TBC1D1: variants seen among roughly 807,000 people sequenced by gnomAD.
The protein encoded by TBC1D1 is TBC1 domain family member 1, also known as TBC1 (tre-2/USP6, BUB2, cdc16) domain family, member 1.
TBC1D1 carries 89 observed loss-of-function variants against 125.6 expected under a neutral mutation model. That is an observed-to-expected ratio of 0.71 (90% CI 0.60 to 0.85). TBC1D1 has a LOEUF of 0.85. TBC1D1 is among the 40% of genes least tolerant of loss of function. TBC1D1 has a pLI of 0.00. For missense variants in TBC1D1, 1,377 were observed against 1,469.2 expected (o/e 0.94, Z 1.03); for synonymous variants, 565 against 564.1 (o/e 1.00, Z -0.02).
intron 12 of TBC1D1, among the ~76,000 whole-genome samples, chr4:38,071,425 A>G (rs1754685344): frequency 6.6e-6 from 1 of 152,216 alleles, no homozygotes. Flanking sequence ...TCATTTTTAT[A>G]TCTCTTTTTC....
At position 38,054,227 on chromosome 4, in the gene TBC1D1, G is replaced by T; in HGVS notation, c.1939G>T (p.Gly647Cys). The change falls in exon 12 of 20, where the codon GGT (glycine) becomes TGT (cysteine). Residue 647 changes from glycine (G) to cysteine (C), a missense_variant. Transcript: ENST00000261439. The stretch of plus-strand genomic sequence containing the variant: ...CTTTGAATCCAAAGCAAACCATCTT[G>T]GTGATTCTGGTGGGACTCCTGTGAA... 5.0e-6 allele frequency: 8 copies of T among 1,614,168 alleles called. No individual in the cohort carries two copies. Among genetic ancestry groups the T allele is most frequent in the Non-Finnish European group, 6.8e-6 (8 of 1,180,016 alleles).
In TBC1D1 at chr4:38,035,587, G is replaced by C. The variant is rs954434075; in HGVS notation, c.1303-1G>C. On this transcript the variant is annotated splice_acceptor_variant, in intron 7 of 19. Coordinates refer to ENST00000261439, the MANE Select transcript of TBC1D1 (RefSeq NM_015173.4). LOFTEE classifies it high-confidence loss of function. ...TCCTGTTTCTGATTTTTGTTTTAAA[G>C]AAATTGAGACCGAGAAATGAGCAGC... 6.2e-7 allele frequency: 1 copy of C among 1,610,484 alleles called. No individual in the cohort carries two copies. The highest frequency in any genetic ancestry group is 1.7e-5 in the Admixed American group (1 of 59,338).
At chr4:38,120,435 A>C (rs958811073) in intron 17 of TBC1D1, among the ~76,000 whole-genome samples, 3 of 152,218 alleles carry the variant, frequency 2.0e-5, no homozygotes, top group Admixed American at 6.5e-5. Flanking sequence ...ATGGTGATGG[A>C]GATAGCTTAG....
chr4:38,050,639 AATC>A (rs1466720690), intron 11 of TBC1D1, among the ~76,000 whole-genome samples: 7 of 152,232 alleles, frequency 4.6e-5, no homozygotes, highest in African/African-American at 1.7e-4. Context: ...CAATTTTAAA[AATC>A]TCTCACCTAA....
chr4:38,070,062 A>G (rs1021954245), intron 12 of TBC1D1, among the ~76,000 whole-genome samples: 2 of 152,174 alleles, frequency 1.3e-5, no homozygotes, highest in African/African-American at 4.8e-5. Context: ...TCCAGCCACC[A>G]TAAGTTGGTG....
At chr4:37,976,196 CCT>C (rs1341146855) in intron 2 of TBC1D1, among the ~76,000 whole-genome samples, 4 of 152,160 alleles carry the variant, frequency 2.6e-5, no homozygotes, top group African/African-American at 7.2e-5. Flanking sequence ...AAACAGAGGC[CCT>C]GAGTCCAGCA....
intron 11 of TBC1D1, among the ~76,000 whole-genome samples, chr4:38,050,309 A>T (rs9999701): frequency 6.6e-6 from 1 of 152,140 alleles, no homozygotes; most frequent in Non-Finnish European, 1.5e-5. Flanking sequence ...CTGGCCTCAT[A>T]GGGTGACAGG....
chr4:38,005,345 T>A lies in TBC1D1; in HGVS notation c.418-9164T>A, dbSNP rs4144799. Among the ~76,000 whole-genome samples the A allele has an allele frequency of 4.7e-4, 71 of 152,172 alleles. 1 individual carries two copies. In the East Asian group the frequency reaches 0.011, roughly 23 times the overall value. On this transcript the variant is annotated intron_variant, in intron 2 of 19. Transcript: ENST00000261439. The stretch of plus-strand genomic sequence containing the variant: ...TGTGGTTTAAATACACAGAGTGAGA[T>A]CGTAAGGTGCTGGCTGTCTGGGGCT...
chr4:37,971,522 A>T (rs543973581), intron 2 of TBC1D1, among the ~76,000 whole-genome samples: 1 of 152,146 alleles, frequency 6.6e-6, no homozygotes, highest in African/African-American at 2.4e-5. Flanking sequence ...TGATTCAGTT[A>T]TCTCCCACTG....
At chr4:38,018,643 T>A (rs1037405051) in intron 4 of TBC1D1, among the ~76,000 whole-genome samples, 200 bp downstream of exon 4, 24 of 152,176 alleles carry the variant, frequency 1.6e-4, no homozygotes, top group African/African-American at 5.5e-4. Context: ...AGAAATTTGC[T>A]CTTAGCAACA....
At chr4:37,897,994 A>T (rs1715012787) in intron 1 of TBC1D1, among the ~76,000 whole-genome samples, 1 of 152,234 alleles carries the variant, frequency 6.6e-6, no homozygotes, top group Admixed American at 6.5e-5. Flanking sequence ...TAAATAAAGT[A>T]TTGCTTTATT....
Position 38,137,615 on chromosome 4 carries a change from GTTTTC to G in TBC1D1, c.*283_*287del. 1 of 360,468 alleles carries G rather than the reference GTTTTC, an allele frequency of 2.8e-6. No homozygotes were observed. Among genetic ancestry groups the G allele is most frequent in the Admixed American group, 4.7e-5 (1 of 21,408 alleles). The allele number at this position is 360,468 out of a possible 1,614,324, so 22.3% of individuals were successfully genotyped here. A position where few individuals can be genotyped will look rare whatever the true frequency, so the allele number is the denominator to read the frequency against. On this transcript the variant is annotated 3_prime_UTR_variant, in exon 20 of 20. Coordinates refer to ENST00000261439, the MANE Select transcript of TBC1D1 (RefSeq NM_015173.4). ...GTGGACGTGAATAAATGCAACTTATGTTTTCTTGTTGGTTCCTTTTTGAGTGTCAC... is the reference window on the plus strand; with the variant it reads ...GTGGACGTGAATAAATGCAACTTATGTTGTTGGTTCCTTTTTGAGTGTCAC...
At position 38,022,969 on chromosome 4, in the gene TBC1D1, C is replaced by T. The variant is rs958947686; in HGVS notation, c.1210+1251C>T. Reference sequence around the variant, plus strand: ...GTTTATTATACACCTGTAATTCCAGCGCTTGGGGAGGCTGAGGTGGGCAGA... The same window carrying T: ...GTTTATTATACACCTGTAATTCCAGTGCTTGGGGAGGCTGAGGTGGGCAGA... On this transcript the variant is annotated intron_variant, in intron 6 of 19. Transcript: ENST00000261439. Among the ~76,000 whole-genome samples, 6 of 152,248 alleles carry T rather than the reference C, an allele frequency of 3.9e-5. No homozygotes were observed. The South Asian group carries it at 6.2e-4, about 16-fold the overall frequency.
At chr4:38,133,348 T>C (rs1405579227) in intron 19 of TBC1D1, 91 bp downstream of exon 21, 56 of 1,230,636 alleles carry the variant, frequency 4.6e-5, no homozygotes, top group Non-Finnish European at 6.1e-5. Flanking sequence ...GGCTTTCCCA[T>C]GACCAGAGGA....
chr4:38,080,422 A>G (rs1447733845), intron 12 of TBC1D1, among the ~76,000 whole-genome samples: 1 of 152,152 alleles, frequency 6.6e-6, no homozygotes, highest in Non-Finnish European at 1.5e-5. Context: ...TGTGGTCAGG[A>G]TGGTGGCCTT....
At chr4:38,089,305 G>A (rs553125946) in intron 12 of TBC1D1, among the ~76,000 whole-genome samples, 6 of 152,334 alleles carry the variant, frequency 3.9e-5, no homozygotes, top group South Asian at 2.1e-4. Flanking sequence ...TGCCCAGCAC[G>A]TGGTAGAAGG....
At chr4:38,116,331 TTC>T (rs1762981382) in intron 16 of TBC1D1, among the ~76,000 whole-genome samples, 1 of 152,146 alleles carries the variant, frequency 6.6e-6, no homozygotes, top group African/African-American at 2.4e-5. Flanking sequence ...GCATCTGCTC[TTC>T]CTCTGCCTCA....
intron 2 of TBC1D1, among the ~76,000 whole-genome samples, chr4:38,001,290 T>C (rs1739033944): frequency 6.6e-6 from 1 of 152,016 alleles, no homozygotes; most frequent in Non-Finnish European, 1.5e-5. Context: ...TAAGGCAAGG[T>C]ATGGAAGGGG....
In TBC1D1 at chr4:38,061,432, C is replaced by T. The variant is rs534727223; in HGVS notation, c.2050+7094C>T. On this transcript the variant is annotated intron_variant, in intron 12 of 19. Transcript: ENST00000261439. ...TTTAAGGCAACTCCCAACTTTGAAA[C>T]GGGGAAAAATCATTTTATTTACCTC... 2.4e-4 allele frequency among the ~76,000 whole-genome samples: 36 copies of T among 152,182 alleles called. No individual in the cohort carries two copies. In the South Asian group the frequency reaches 3.3e-3, roughly 14 times the overall value.
Sources: gnomAD v4.1 joint callset for allele counts (sites outside exome capture counted in the v4.1 genomes callset) on GRCh38, gnomAD v4.1.1 for gene constraint, MANE v1.5 for transcripts, NCBI Gene and HGNC (gene_info 2026-07-23, HGNC 2026-07-21) for gene names.